The following CNTNAP2 variants were observed in gnomAD, a reference collection of about 807,000 sequenced individuals.
CNTNAP2 encodes the protein contactin associated protein 2.
CNTNAP2 carries 98 observed loss-of-function variants against 155.2 expected under a neutral mutation model. That is an observed-to-expected ratio of 0.63 (90% CI 0.54 to 0.75). The LOEUF is 0.75. CNTNAP2 is among the 30% of genes least tolerant of loss of function. CNTNAP2 has a pLI of 0.00. For missense variants in CNTNAP2, 1,727 were observed against 1,688.1 expected (o/e 1.02, Z -0.40); for synonymous variants, 651 against 631.2 (o/e 1.03, Z -0.47).
chr7:146,452,656 T>G (rs995547508), intron 1 of CNTNAP2, among the ~76,000 whole-genome samples: 18 of 152,356 alleles, frequency 1.2e-4, no homozygotes, highest in African/African-American at 4.1e-4. Context: ...ACTTAACTTC[T>G]CAGAGATAAT....
chr7:147,701,894 C>A, intron 13 of CNTNAP2, among the ~76,000 whole-genome samples: 1 of 152,068 alleles, frequency 6.6e-6, no homozygotes, highest in East Asian at 1.9e-4. Flanking sequence ...GCGGAAGGAA[C>A]CCTGTTAGAG....
At chr7:148,020,712 T>G (rs748542434) in intron 15 of CNTNAP2, among the ~76,000 whole-genome samples, 5 of 152,258 alleles carry the variant, frequency 3.3e-5, no homozygotes, top group African/African-American at 4.8e-5. Context: ...GAATCTGGCT[T>G]AAGCCAAAGC....
At chr7:146,117,044 C>CT (rs1797494673) in intron 1 of CNTNAP2, 71 bp downstream of exon 1, 1 of 1,341,092 alleles carries the variant, frequency 7.5e-7, no homozygotes. Flanking sequence ...ACCAGGGTAT[C>CT]AACTCCGAAG....
chr7:147,001,953 G>A (rs1798432489), intron 3 of CNTNAP2, among the ~76,000 whole-genome samples: 1 of 151,294 alleles, frequency 6.6e-6, no homozygotes, highest in Non-Finnish European at 1.5e-5. Flanking sequence ...AATAAGACAT[G>A]GTAAATTAAA....
chr7:146,194,898 A>G (rs1798754721), intron 1 of CNTNAP2, among the ~76,000 whole-genome samples: 1 of 152,200 alleles, frequency 6.6e-6, no homozygotes, highest in South Asian at 2.1e-4. Context: ...TTCTAGTCCT[A>G]AATACACTGC....
At chr7:147,396,028 G>T (rs532955330) in intron 10 of CNTNAP2, among the ~76,000 whole-genome samples, 112 of 146,916 alleles carry the variant, frequency 7.6e-4, no homozygotes, top group African/African-American at 2.5e-3. Context: ...CTATATATGA[G>T]ATATATCCTA....
At chr7:147,752,849 T>G (rs1032256064) in intron 13 of CNTNAP2, among the ~76,000 whole-genome samples, 4 of 152,184 alleles carry the variant, frequency 2.6e-5, no homozygotes, top group Admixed American at 2.6e-4. Flanking sequence ...CTGGTGTTTT[T>G]GTGTCATGGA....
At chr7:147,389,554 T>C (rs1323842877) in intron 9 of CNTNAP2, among the ~76,000 whole-genome samples, 1 of 152,224 alleles carries the variant, frequency 6.6e-6, no homozygotes, top group Non-Finnish European at 1.5e-5. Context: ...TGTGTTTTCT[T>C]TGTCAGCAAG....
At chr7:147,839,883 A>G (rs1018187928) in intron 13 of CNTNAP2, among the ~76,000 whole-genome samples, 14 of 151,684 alleles carry the variant, frequency 9.2e-5, no homozygotes, top group Admixed American at 5.9e-4. Flanking sequence ...TGGTGTATAT[A>G]TGTGTGTGTG....
chr7:148,058,992 AG>A, intron 15 of CNTNAP2, among the ~76,000 whole-genome samples: 1 of 152,006 alleles, frequency 6.6e-6, no homozygotes, highest in East Asian at 1.9e-4. Context: ...AAATTCATCA[AG>A]GGCCATCAAG....
intron 21 of CNTNAP2, among the ~76,000 whole-genome samples, chr7:148,324,982 G>A (rs1230772808): frequency 6.6e-6 from 1 of 152,112 alleles, no homozygotes; most frequent in African/African-American, 2.4e-5. Flanking sequence ...AATCCACAAC[G>A]CTTACTTTTG....
chr7:148,157,959 A>G (rs1312915763), intron 17 of CNTNAP2, among the ~76,000 whole-genome samples: 5 of 152,156 alleles, frequency 3.3e-5, no homozygotes, highest in African/African-American at 9.7e-5. Context: ...ACAGTTGTTC[A>G]CTACAAGGGT....
In CNTNAP2 at chr7:147,085,016, G is replaced by C. The variant is rs1800242539; in HGVS notation, c.551-23131G>C. ...GAGGTTTGAGTACTTATAAAATCAG[G>C]CTTATTTTTTTCTCAAAGTTGAGAA... On this transcript the variant is annotated intron_variant, in intron 4 of 23. Coordinates refer to ENST00000361727, the MANE Select transcript of CNTNAP2 (RefSeq NM_014141.6). Among the ~76,000 whole-genome samples the C allele has an allele frequency of 4.0e-5, 6 of 151,744 alleles. No individual in the cohort carries two copies. In the South Asian group the frequency reaches 1.2e-3, roughly 32 times the overall value.
At chr7:148,069,759 CAA>C (rs57389619) in intron 15 of CNTNAP2, among the ~76,000 whole-genome samples, 12 of 68,916 alleles carry the variant, frequency 1.7e-4, no homozygotes, top group Non-Finnish European at 2.0e-4. Flanking sequence ...GACTCCGTCT[CAA>C]AAAAAAAAAA....
chr7:148,394,432 T>C (rs1422015762), intron 22 of CNTNAP2, among the ~76,000 whole-genome samples: 2 of 152,230 alleles, frequency 1.3e-5, no homozygotes, highest in African/African-American at 2.4e-5. Context: ...TAGTGGCTCA[T>C]AGAGCTAATT....
chr7:146,678,711 C>A lies in CNTNAP2; in HGVS notation c.98-95560C>A, dbSNP rs141167718. 2.8e-3 allele frequency among the ~76,000 whole-genome samples: 427 copies of A among 152,212 alleles called. 1 individual carries two copies. The highest frequency in any genetic ancestry group is 9.3e-3 in the African/African-American group (387 of 41,542). ...GGTTTATGAAATCATCTAATTAATT[C>A]ATACATTATAAAAACCACATTAACA... On this transcript the variant is annotated intron_variant, in intron 1 of 23. Coordinates refer to ENST00000361727, the MANE Select transcript of CNTNAP2 (RefSeq NM_014141.6).
At chr7:147,739,025 C>G (rs1045234628) in intron 13 of CNTNAP2, among the ~76,000 whole-genome samples, 6 of 152,144 alleles carry the variant, frequency 3.9e-5, no homozygotes, top group Middle Eastern at 3.5e-3. Context: ...TCACTTTATT[C>G]TGGCAGTCTT....
intron 2 of CNTNAP2, among the ~76,000 whole-genome samples, chr7:146,793,350 C>T (rs890444091): frequency 2.0e-5 from 3 of 152,178 alleles, no homozygotes; most frequent in African/African-American, 7.2e-5. Context: ...TGCAGTCTCT[C>T]AGGCATGTGT....
chr7:146,426,111 G>A (rs761105023), intron 1 of CNTNAP2, among the ~76,000 whole-genome samples: 3 of 148,778 alleles, frequency 2.0e-5, no homozygotes, highest in African/African-American at 5.0e-5. Flanking sequence ...TTTTGAACTC[G>A]GGAGGCGGAG....
Sources: gnomAD v4.1 joint callset for allele counts (sites outside exome capture counted in the v4.1 genomes callset) on GRCh38, gnomAD v4.1.1 for gene constraint, MANE v1.5 for transcripts, NCBI Gene and HGNC (gene_info 2026-07-23, HGNC 2026-07-21) for gene names.